Variants in LSAMP observed in about 807,000 individuals in gnomAD.
LSAMP encodes the protein limbic system-associated membrane protein.
LSAMP carries 7 observed loss-of-function variants against 38.6 expected under a neutral mutation model. The observed-to-expected ratio is 0.18, with a 90% confidence interval of 0.10 to 0.34. The LOEUF (loss-of-function observed/expected upper bound fraction) is 0.34. Ranked by LOEUF, LSAMP falls within the 10% of genes least tolerant of loss-of-function variation. The pLI is 1.00. For missense variants in LSAMP, 313 were observed against 420.0 expected (o/e 0.75, Z 2.23); for synonymous variants, 154 against 166.8 (o/e 0.92, Z 0.59).
intron 1 of LSAMP, among the ~76,000 whole-genome samples, chr3:116,200,115 C>T (rs2045969917): frequency 6.6e-6 from 1 of 151,754 alleles, no homozygotes; most frequent in Non-Finnish European, 1.5e-5. Context: ...CACACACACA[C>T]ACACACACAC....
At chr3:116,006,270 C>T (rs1940157428) in intron 3 of LSAMP, among the ~76,000 whole-genome samples, 1 of 152,100 alleles carries the variant, frequency 6.6e-6, no homozygotes, top group East Asian at 1.9e-4. Context: ...TGTCTCCACA[C>T]ACACGCAGAA....
intron 1 of LSAMP, among the ~76,000 whole-genome samples, chr3:116,284,114 A>G (rs779033766): frequency 7.2e-5 from 11 of 152,178 alleles, no homozygotes; most frequent in Non-Finnish European, 1.2e-4. Flanking sequence ...GGATGCATGT[A>G]AAAAATATTT....
chr3:115,905,168 T>C (rs1936977718), intron 3 of LSAMP, among the ~76,000 whole-genome samples: 1 of 152,116 alleles, frequency 6.6e-6, no homozygotes, highest in Non-Finnish European at 1.5e-5. Flanking sequence ...CAGGTTACAA[T>C]GAACAGCCAA....
At chr3:116,179,055 G>T (rs1413594681) in intron 1 of LSAMP, among the ~76,000 whole-genome samples, 3 of 151,164 alleles carry the variant, frequency 2.0e-5, no homozygotes, top group Non-Finnish European at 4.4e-5. Flanking sequence ...CCTCTTAACA[G>T]CAGTGGCCTC....
At chr3:116,324,312 A>G (rs1038008099) in intron 1 of LSAMP, among the ~76,000 whole-genome samples, 3 of 152,122 alleles carry the variant, frequency 2.0e-5, no homozygotes, top group African/African-American at 7.2e-5. Flanking sequence ...AGTTCTCTGT[A>G]TATTAGCTGA....
At chr3:115,850,062 G>T (rs565804979) in intron 4 of LSAMP, among the ~76,000 whole-genome samples, 5 of 152,238 alleles carry the variant, frequency 3.3e-5, no homozygotes, top group African/African-American at 9.6e-5. Flanking sequence ...CATATAATTT[G>T]TTATGAGGTA....
rs569961622 is a variant in LSAMP, at chr3:116,417,217, A to C, written c.155+27660T>G. 2.0e-5 allele frequency among the ~76,000 whole-genome samples: 3 copies of C among 152,312 alleles called. No homozygotes were observed. In the South Asian group the frequency reaches 6.2e-4, roughly 32 times the overall value. On this transcript the variant is annotated intron_variant, in intron 1 of 6. Coordinates refer to ENST00000490035, the MANE Select transcript of LSAMP (RefSeq NM_002338.5). ...ATCCTGAGCACCATAAATTAAGCCC[A>C]AAATCTGTCCTTACTACAGTGGATT...
At chr3:116,131,937 C>T (rs144975621) in intron 1 of LSAMP, among the ~76,000 whole-genome samples, 5 of 151,750 alleles carry the variant, frequency 3.3e-5, no homozygotes, top group South Asian at 2.1e-4. Context: ...AAGTGATTCT[C>T]GTGCCTCAGT....
intron 3 of LSAMP, among the ~76,000 whole-genome samples, chr3:115,900,043 T>C (rs1008033333): frequency 6.6e-6 from 1 of 152,192 alleles, no homozygotes; most frequent in Non-Finnish European, 1.5e-5. Context: ...ATTTTGGATG[T>C]AGAATTACAC....
intron 1 of LSAMP, among the ~76,000 whole-genome samples, chr3:116,154,004 T>C (rs1709683413): frequency 6.6e-6 from 1 of 152,146 alleles, no homozygotes; most frequent in South Asian, 2.1e-4. Context: ...AAATATTTCA[T>C]ATAGAATAAT....
intron 1 of LSAMP, among the ~76,000 whole-genome samples, chr3:116,381,909 T>C (rs2048563619): frequency 6.6e-6 from 1 of 152,102 alleles, no homozygotes; most frequent in Non-Finnish European, 1.5e-5. Flanking sequence ...GTTGGAAAAC[T>C]ATGTTTTGGA....
At chr3:116,112,396 T>C (rs546010378) in intron 1 of LSAMP, among the ~76,000 whole-genome samples, 1 of 152,292 alleles carries the variant, frequency 6.6e-6, no homozygotes, top group East Asian at 1.9e-4. Context: ...TAGTACATCC[T>C]TTTTCTAGAA....
Position 116,228,676 on chromosome 3 carries a change from A to G in LSAMP, c.156-142120T>C, listed in dbSNP as rs561193907. Among the ~76,000 whole-genome samples, 314 of 152,222 alleles carry G rather than the reference A, an allele frequency of 2.1e-3. 1 individual carries two copies. The highest frequency in any genetic ancestry group is 7.1e-3 in the African/African-American group (297 of 41,568). ...GAAGCGGAGATCACTTTGTTATTAA[A>G]TGTAAAAACAATTTAGCAAAATAAG... On this transcript the variant is annotated intron_variant, in intron 1 of 6. Coordinates refer to ENST00000490035, the MANE Select transcript of LSAMP (RefSeq NM_002338.5).
intron 1 of LSAMP, among the ~76,000 whole-genome samples, chr3:116,149,962 T>G (rs2107525796): frequency 6.6e-6 from 1 of 152,206 alleles, no homozygotes; most frequent in Admixed American, 6.5e-5. Flanking sequence ...TGAATATTAC[T>G]CAGGTTATGT....
At chr3:115,826,659 C>G (rs1934422024) in intron 6 of LSAMP, among the ~76,000 whole-genome samples, 1 of 152,158 alleles carries the variant, frequency 6.6e-6, no homozygotes, top group Non-Finnish European at 1.5e-5. Flanking sequence ...TAAGATATTT[C>G]TTTGAGTAAA....
At chr3:116,427,387 T>C (rs1399840064) in intron 1 of LSAMP, among the ~76,000 whole-genome samples, 1 of 152,146 alleles carries the variant, frequency 6.6e-6, no homozygotes, top group African/African-American at 2.4e-5. Flanking sequence ...CCCAAAGTGC[T>C]GGGATTACAG....
At chr3:116,192,521 TCTCA>T (rs1710776458) in intron 1 of LSAMP, among the ~76,000 whole-genome samples, 1 of 152,226 alleles carries the variant, frequency 6.6e-6, no homozygotes, top group African/African-American at 2.4e-5. Flanking sequence ...CCTCTTTCAG[TCTCA>T]CTCATTTTCC....
intron 1 of LSAMP, among the ~76,000 whole-genome samples, chr3:116,365,305 AC>A (rs1372206434): frequency 1.1e-5 from 1 of 91,642 alleles, no homozygotes; most frequent in African/African-American, 4.1e-5. Context: ...AATCAAAACC[AC>A]TATGAGATAT....
chr3:116,162,696 A>C (rs149917583), intron 1 of LSAMP, among the ~76,000 whole-genome samples: 2,123 of 129,988 alleles, frequency 0.016, 18 homozygotes, highest in Non-Finnish European at 0.027. Flanking sequence ...CTCTCTCTCT[A>C]TATATATATA....
Sources: gnomAD v4.1 joint callset for allele counts (sites outside exome capture counted in the v4.1 genomes callset) on GRCh38, gnomAD v4.1.1 for gene constraint, MANE v1.5 for transcripts, NCBI Gene and HGNC (gene_info 2026-07-23, HGNC 2026-07-21) for gene names.